The following TBC1D1 variants were observed in gnomAD, a reference collection of about 807,000 sequenced individuals.
TBC1D1 encodes TBC1 domain family member 1, also known as TBC1 (tre-2/USP6, BUB2, cdc16) domain family, member 1.
A neutral mutation model predicts 125.6 loss-of-function variants in TBC1D1; 89 were observed. The observed-to-expected ratio is 0.71, with a 90% CI of 0.60 to 0.85. The LOEUF (loss-of-function observed/expected upper bound fraction) is 0.85, where lower values mean the gene tolerates loss of function less well. Ranked by LOEUF, TBC1D1 falls within the 40% of genes least tolerant of loss-of-function variation. The pLI is 0.00. For missense variants in TBC1D1, 1,377 were observed against 1,469.2 expected (o/e 0.94, Z 1.03); for synonymous variants, 565 against 564.1 (o/e 1.00, Z -0.02).
intron 2 of TBC1D1, among the ~76,000 whole-genome samples, chr4:37,927,605 A>G (rs1722389798): frequency 1.3e-5 from 2 of 152,238 alleles, no homozygotes; most frequent in African/African-American, 2.4e-5. Context: ...TGGTGGATGA[A>G]TTTTGCATGT....
rs1743947026 is a variant in TBC1D1 at position 38,021,202 on chromosome 4, A to T, written c.1078-384A>T. 2.6e-5 allele frequency among the ~76,000 whole-genome samples: 4 copies of T among 152,226 alleles called. No individual in the cohort carries two copies. The South Asian group carries it at 8.3e-4, about 32-fold the overall frequency. ...AGCGTGTGCAGGGGAACTGCCCTTT[A>T]TAAAACCATCAGATCTCGTGAGATT... On this transcript the variant is annotated intron_variant, in intron 5 of 19. Transcript: ENST00000261439.
intron 2 of TBC1D1, among the ~76,000 whole-genome samples, chr4:38,012,827 G>T (rs1189501610): frequency 6.6e-6 from 1 of 151,250 alleles, no homozygotes; most frequent in East Asian, 2.0e-4. Context: ...ACAGTCTTGT[G>T]CTGTCACCCA....
intron 2 of TBC1D1, among the ~76,000 whole-genome samples, chr4:37,922,155 C>T (rs1721142663): frequency 6.6e-6 from 1 of 152,140 alleles, no homozygotes; most frequent in Admixed American, 6.5e-5. Flanking sequence ...TTGCATGGTT[C>T]TTTGTAATTT....
intron 11 of TBC1D1, among the ~76,000 whole-genome samples, chr4:38,052,720 G>GTGCA (rs1412565443): frequency 1.7e-5 from 1 of 57,560 alleles, no homozygotes; most frequent in Non-Finnish European, 3.3e-5. Context: ...ACACGCGCGC[G>GTGCA]CGCGCGCGCA....
chr4:37,980,968 A>G (rs1270567096), intron 2 of TBC1D1, among the ~76,000 whole-genome samples: 1 of 151,312 alleles, frequency 6.6e-6, no homozygotes, highest in African/African-American at 2.4e-5. Flanking sequence ...TTTGACCCTG[A>G]GTCTCACTCT....
At position 37,902,199 on chromosome 4, in the gene TBC1D1, C is replaced by T. The variant is rs781311931; in HGVS notation, c.104C>T (p.Thr35Ile). ...GGCTCCCTGCCTGTGCATTCCCTGA[C>T]CACCATGCCCATGCTGCCCTGGGTT... Residue 35 changes from threonine (T) to isoleucine (I), a missense_variant, in exon 2 of 20, where the codon ACC becomes ATC. This residue lies in a region of TBC1D1 where 822 missense variants were observed against 824.6 expected (regional missense o/e 1.00). Transcript: ENST00000261439. 6 of 1,613,972 alleles carry T rather than the reference C, an allele frequency of 3.7e-6. No homozygotes were observed. Among genetic ancestry groups the T allele is most frequent in the Non-Finnish European group, 4.2e-6 (5 of 1,180,014 alleles).
chr4:37,987,968 TAGGC>T (rs957303614), intron 2 of TBC1D1, among the ~76,000 whole-genome samples: 1 of 152,238 alleles, frequency 6.6e-6, no homozygotes, highest in African/African-American at 2.4e-5. Flanking sequence ...GATAGCACAC[TAGGC>T]AGGCAGTAGC....
At chr4:37,919,778 C>T (rs915295754) in intron 2 of TBC1D1, among the ~76,000 whole-genome samples, 1 of 152,060 alleles carries the variant, frequency 6.6e-6, no homozygotes, top group African/African-American at 2.4e-5. Context: ...TCTTATTTAG[C>T]TTCTCCACAG....
intron 14 of TBC1D1, among the ~76,000 whole-genome samples, chr4:38,097,766 C>T (rs1183407652): frequency 6.6e-6 from 1 of 152,214 alleles, no homozygotes; most frequent in African/African-American, 2.4e-5. Context: ...ATGTGAGCCA[C>T]TGCACCCGGC....
chr4:38,052,763 CAGGAT>C (rs965115787), intron 11 of TBC1D1, among the ~76,000 whole-genome samples: 14 of 97,050 alleles, frequency 1.4e-4, no homozygotes, highest in Non-Finnish European at 3.0e-4. Context: ...CACACACACA[CAGGAT>C]AACATCTGTG....
At chr4:38,124,780 T>C (rs1391726698) in intron 17 of TBC1D1, among the ~76,000 whole-genome samples, 182 bp from the exon 20 acceptor site, 5 of 152,236 alleles carry the variant, frequency 3.3e-5, no homozygotes, top group Admixed American at 3.3e-4. Flanking sequence ...TATGTACTTT[T>C]ATTTGCAATA....
rs1440739454 is a variant in TBC1D1, at chr4:38,045,911, C to T, written c.1629+8C>T. ...TTAAGTAACACCAGCAAAGTAAGCA[C>T]ATTTCTCTTTATACGACACCCTGAA... On this transcript the variant is annotated splice_region_variant and intron_variant, in intron 10 of 19. Transcript: ENST00000261439. 1 of 1,612,630 alleles carries T rather than the reference C, an allele frequency of 6.2e-7. No individual in the cohort carries two copies. The highest frequency in any genetic ancestry group is 1.7e-5 in the Admixed American group (1 of 60,028).
intron 12 of TBC1D1, among the ~76,000 whole-genome samples, chr4:38,078,677 G>A (rs1251904465): frequency 6.6e-6 from 1 of 152,180 alleles, no homozygotes; most frequent in Admixed American, 6.5e-5. Flanking sequence ...GGAAGAGAGA[G>A]GGCTCTCACT....
At chr4:37,911,756 C>G (rs1192937840) in intron 2 of TBC1D1, among the ~76,000 whole-genome samples, 3 of 152,124 alleles carry the variant, frequency 2.0e-5, no homozygotes, top group Non-Finnish European at 4.4e-5. Flanking sequence ...CCCTCAAGAA[C>G]TATAATGGTG....
chr4:37,979,441 C>A (rs1733908786), intron 2 of TBC1D1, among the ~76,000 whole-genome samples: 1 of 152,170 alleles, frequency 6.6e-6, no homozygotes, highest in Non-Finnish European at 1.5e-5. Context: ...GAATGATGTT[C>A]TATGGAACTG....
Position 37,977,355 on chromosome 4 carries a change from CCCGCCGCCG to C in TBC1D1, c.418-37138_418-37130del, listed in dbSNP as rs560011151. On this transcript the variant is annotated intron_variant, in intron 2 of 19. Coordinates refer to ENST00000261439, the MANE Select transcript of TBC1D1 (RefSeq NM_015173.4). The surrounding 1 kb of genome is among the most constrained non-coding windows in gnomAD (Gnocchi z 4.3). Reference sequence around the variant, plus strand: ...CGGGGCAGTGACGAACTGGGTGGAGCCCGCCGCCGCCGCCGCCGCCGCCGGGGAGAGCGA... The same window carrying C: ...CGGGGCAGTGACGAACTGGGTGGAGCCCGCCGCCGCCGCCGGGGAGAGCGA... The C allele has an allele frequency of 5.0e-4, 125 of 251,790 alleles. No individual in the cohort carries two copies. Among genetic ancestry groups the C allele is most frequent in the Admixed American group, 2.9e-3 (43 of 14,822 alleles). The allele number at this position is 251,790 out of a possible 1,614,324, so 15.6% of individuals were successfully genotyped here. A position where few individuals can be genotyped will look rare whatever the true frequency, so the allele number is the denominator to read the frequency against.
chr4:38,112,695 A>G (rs910690759), intron 15 of TBC1D1, among the ~76,000 whole-genome samples: 5 of 152,206 alleles, frequency 3.3e-5, no homozygotes, highest in Non-Finnish European at 5.9e-5. Context: ...GGGGCGCTAC[A>G]TGTAACTTTT....
chr4:37,902,578 G>A (rs1716317600), intron 2 of TBC1D1, 66 bp downstream of exon 2: 3 of 1,256,428 alleles, frequency 2.4e-6, no homozygotes, highest in Non-Finnish European at 3.3e-6. Context: ...TGGGGGTCAG[G>A]ATATTTATTT....
Position 38,035,611 on chromosome 4 carries a change from G to A in TBC1D1, c.1326G>A (p.Gln442=), listed in dbSNP as rs973268237. 2.2e-5 allele frequency: 35 copies of A among 1,613,546 alleles called. No individual in the cohort carries two copies. The highest frequency in any genetic ancestry group is 3.0e-5 in the Non-Finnish European group (35 of 1,179,850). Residue 442 remains glutamine, a synonymous_variant, in exon 8 of 20, where the codon CAG becomes CAA. Transcript: ENST00000261439. ...AGAAATTGAGACCGAGAAATGAGCAGCGAGAGAATGAATTGATTATTTCTT... is the reference window on the plus strand; with the variant it reads ...AGAAATTGAGACCGAGAAATGAGCAACGAGAGAATGAATTGATTATTTCTT...
Sources: gnomAD v4.1 joint callset for allele counts (sites outside exome capture counted in the v4.1 genomes callset) on GRCh38, gnomAD v4.1.1 for gene constraint, gnomAD v4.1.1 regional missense constraint, Gnocchi (gnomAD v3.1) non-coding constraint, MANE v1.5 for transcripts, NCBI Gene and HGNC (gene_info 2026-07-23, HGNC 2026-07-21) for gene names.